SLC9A9: variants seen among roughly 807,000 people sequenced by gnomAD.
The protein encoded by SLC9A9 is solute carrier family 9 member A9, also known as sodium/hydrogen exchanger 9.
SLC9A9 carries 62 observed loss-of-function variants against 77.8 expected under a neutral mutation model. The observed-to-expected ratio is 0.80, with a 90% CI of 0.65 to 0.98. SLC9A9 has a LOEUF of 0.98. Among genes scored for constraint, SLC9A9 ranks in the 50% least tolerant of loss-of-function variants. The pLI is 0.00. For missense variants in SLC9A9, 775 were observed against 774.9 expected (o/e 1.00, Z 0.00); for synonymous variants, 320 against 283.5 (o/e 1.13, Z -1.29).
chr3:143,507,809 G>A (rs191640478), intron 9 of SLC9A9, among the ~76,000 whole-genome samples: 4 of 152,296 alleles, frequency 2.6e-5, no homozygotes, highest in Non-Finnish European at 2.9e-5. Flanking sequence ...CAACATTAAG[G>A]TGGCTGCAGA....
intron 11 of SLC9A9, among the ~76,000 whole-genome samples, chr3:143,469,645 A>G (rs2035343811): frequency 6.6e-6 from 1 of 152,192 alleles, no homozygotes; most frequent in Admixed American, 6.5e-5. Flanking sequence ...CCATGCTGAG[A>G]CTATTCAAGA....
chr3:143,578,532 G>A lies in SLC9A9; in HGVS notation c.894+53C>T. 3 of 1,612,576 alleles carry A rather than the reference G, an allele frequency of 1.9e-6. No individual in the cohort carries two copies. In the Admixed American group the frequency reaches 5.0e-5, roughly 27 times the overall value. On this transcript the variant is annotated intron_variant, in intron 7 of 15. Transcript: ENST00000316549. ...TTGTCCATCATCAGAAATATTCCAT[G>A]GATACTGACTGTTCTTGACAGTCCC...
intron 12 of SLC9A9, among the ~76,000 whole-genome samples, chr3:143,443,114 G>C (rs999247250): frequency 2.1e-5 from 3 of 143,518 alleles, no homozygotes; most frequent in African/African-American, 7.5e-5. Flanking sequence ...ACACATTAAG[G>C]TATGGTATAA....
At chr3:143,317,910 G>T (rs1222993564) in intron 14 of SLC9A9, among the ~76,000 whole-genome samples, 4 of 152,104 alleles carry the variant, frequency 2.6e-5, no homozygotes, top group Non-Finnish European at 5.9e-5. Flanking sequence ...TGTATTTTTA[G>T]TAGAGACGGG....
At chr3:143,768,684 C>A (rs986404618) in intron 4 of SLC9A9, among the ~76,000 whole-genome samples, 1 of 152,080 alleles carries the variant, frequency 6.6e-6, no homozygotes, top group Non-Finnish European at 1.5e-5. Flanking sequence ...AGGTGTTGAA[C>A]AAATGACATG....
At chr3:143,774,479 C>T (rs2007627025) in intron 4 of SLC9A9, among the ~76,000 whole-genome samples, 1 of 152,190 alleles carries the variant, frequency 6.6e-6, no homozygotes, top group African/African-American at 2.4e-5. Flanking sequence ...ATGGCACTTA[C>T]TCCTTCTGGG....
intron 5 of SLC9A9, among the ~76,000 whole-genome samples, chr3:143,656,069 A>G (rs1217550144): frequency 1.3e-5 from 2 of 152,292 alleles, no homozygotes; most frequent in East Asian, 3.9e-4. Flanking sequence ...CAGAAGGGGA[A>G]TGTGTCTTTT....
chr3:143,608,840 T>C (rs2037971215), intron 6 of SLC9A9, among the ~76,000 whole-genome samples: 1 of 152,212 alleles, frequency 6.6e-6, no homozygotes, highest in African/African-American at 2.4e-5. Context: ...AACAGGACTA[T>C]GGCTGTTGCT....
chr3:143,695,059 T>C (rs2108784193), intron 4 of SLC9A9, among the ~76,000 whole-genome samples: 1 of 152,228 alleles, frequency 6.6e-6, no homozygotes, highest in East Asian at 1.9e-4. Flanking sequence ...AGAGGCCTCA[T>C]TCTTGGCAGC....
chr3:143,533,457 T>C (rs1002038142), intron 9 of SLC9A9, among the ~76,000 whole-genome samples: 1 of 152,072 alleles, frequency 6.6e-6, no homozygotes, highest in Non-Finnish European at 1.5e-5. Context: ...CCAGAAGTCA[T>C]AGATCCAAAG....
intron 6 of SLC9A9, among the ~76,000 whole-genome samples, chr3:143,591,802 T>C (rs1420551476): frequency 6.6e-6 from 1 of 152,078 alleles, no homozygotes; most frequent in Non-Finnish European, 1.5e-5. Context: ...AAGAGGATGG[T>C]TTTTACATAT....
chr3:143,416,813 ATG>A (rs1172428782), intron 12 of SLC9A9, among the ~76,000 whole-genome samples: 18 of 152,296 alleles, frequency 1.2e-4, no homozygotes, highest in African/African-American at 3.9e-4. Flanking sequence ...ATCTGTATAT[ATG>A]TGTATGTGTA....
intron 2 of SLC9A9, among the ~76,000 whole-genome samples, chr3:143,802,382 C>T (rs1234295930): frequency 6.6e-6 from 1 of 152,158 alleles, no homozygotes; most frequent in African/African-American, 2.4e-5. Context: ...AGGGATTGTT[C>T]AGGCCCCCTC....
At chr3:143,648,804 T>A (rs559261184) in intron 6 of SLC9A9, among the ~76,000 whole-genome samples, 40 of 152,292 alleles carry the variant, frequency 2.6e-4, no homozygotes, top group African/African-American at 9.4e-4. Context: ...CATCAGAATC[T>A]ATGAAAGTTA....
At chr3:143,763,541 T>A (rs2007204689) in intron 4 of SLC9A9, among the ~76,000 whole-genome samples, 1 of 152,160 alleles carries the variant, frequency 6.6e-6, no homozygotes, top group Non-Finnish European at 1.5e-5. Flanking sequence ...ATTTGTACAC[T>A]CCTGGTTTCT....
intron 12 of SLC9A9, among the ~76,000 whole-genome samples, chr3:143,431,255 T>C (rs531605669): frequency 2.6e-5 from 4 of 152,280 alleles, no homozygotes; most frequent in African/African-American, 9.6e-5. Context: ...AAGAACTAGT[T>C]GCACACAGTG....
chr3:143,833,903 G>C (rs1319459307), intron 1 of SLC9A9, among the ~76,000 whole-genome samples: 1 of 152,144 alleles, frequency 6.6e-6, no homozygotes, highest in Non-Finnish European at 1.5e-5. Flanking sequence ...GAGACAGAGA[G>C]AGACTCTAGA....
chr3:143,580,661 A>C (rs1161891103), intron 6 of SLC9A9, among the ~76,000 whole-genome samples: 1 of 152,236 alleles, frequency 6.6e-6, no homozygotes, highest in Non-Finnish European at 1.5e-5. Flanking sequence ...CCTGTATGTC[A>C]CCTAAAATCA....
chr3:143,634,292 TATG>T (rs776444784), intron 6 of SLC9A9, among the ~76,000 whole-genome samples: 1 of 152,208 alleles, frequency 6.6e-6, no homozygotes, highest in Non-Finnish European at 1.5e-5. Flanking sequence ...ACCATGTTCT[TATG>T]ATATTTTTCC....
Sources: allele counts gnomAD v4.1 joint callset (sites outside exome capture counted in the v4.1 genomes callset), GRCh38; gene constraint gnomAD v4.1.1; transcripts MANE v1.5; gene names NCBI Gene and HGNC (gene_info 2026-07-23, HGNC 2026-07-21).